OXR1: variants seen among roughly 807,000 people sequenced by gnomAD.
The protein encoded by OXR1 is oxidation resistance protein 1.
OXR1 carries 41 observed loss-of-function variants against 104.6 expected under a neutral mutation model. The ratio of observed to expected loss-of-function variants is 0.39; its 90% CI spans 0.31 to 0.51. The LOEUF (loss-of-function observed/expected upper bound fraction) is 0.51, where lower values mean the gene tolerates loss of function less well. Ranked by LOEUF, OXR1 falls within the 20% of genes least tolerant of loss-of-function variation. The pLI is 0.77. For missense variants in OXR1, 955 were observed against 1,031.9 expected, an observed-to-expected ratio of 0.93 and a Z score of 1.02; for synonymous variants, 348 against 348.4, an observed-to-expected ratio of 1.00 and a Z score of 0.01.
At chr8:106,307,639 T>C (rs1350619337) in intron 1 of OXR1, among the ~76,000 whole-genome samples, 1 of 152,096 alleles carries the variant, frequency 6.6e-6, no homozygotes, top group Non-Finnish European at 1.5e-5. Context: ...AGGAACCCTA[T>C]GTGGATCTTT....
In OXR1 at chr8:106,692,752, G is replaced by T. The variant is rs1339013924; in HGVS notation, c.550G>T (p.Ala184Ser). Residue 184 changes from alanine to serine, a missense_variant, in exon 7 of 17, where the codon GCA (alanine) becomes TCA (serine). Coordinates refer to ENST00000517566, the MANE Select transcript of OXR1 (RefSeq NM_001198533.2). ...TTNPDVHPTE[A>S]TPSSTFTGIR... ...GAATCCTGATGTCCATCCAACAGAAGCAACTCCCTCATCTACTTTCACTGG... is the reference window on the plus strand; with the variant it reads ...GAATCCTGATGTCCATCCAACAGAATCAACTCCCTCATCTACTTTCACTGG... 4 of 1,526,050 alleles carry T rather than the reference G, an allele frequency of 2.6e-6. No homozygotes were observed. The highest frequency in any genetic ancestry group is 1.4e-5 in the African/African-American group (1 of 70,832). The allele number at this position is 1,526,050 out of a possible 1,614,324, so 94.5% of individuals were successfully genotyped here.
chr8:106,567,131 A>G (rs1353825340), intron 3 of OXR1, among the ~76,000 whole-genome samples: 1 of 152,132 alleles, frequency 6.6e-6, no homozygotes, highest in East Asian at 1.9e-4. Flanking sequence ...AGAATAATAA[A>G]AGAAAGTGTT....
At chr8:106,512,515 A>G (rs1301794319) in intron 2 of OXR1, among the ~76,000 whole-genome samples, 1 of 152,182 alleles carries the variant, frequency 6.6e-6, no homozygotes, top group Admixed American at 6.5e-5. Context: ...GTTATAATCC[A>G]GGCACAATTT....
At chr8:106,527,521 A>C (rs1179116644) in intron 3 of OXR1, among the ~76,000 whole-genome samples, 2 of 152,160 alleles carry the variant, frequency 1.3e-5, no homozygotes, top group African/African-American at 4.8e-5. Flanking sequence ...TCGAAGTTGT[A>C]ATTCTGTATG....
At chr8:106,348,519 C>T (rs981936631) in intron 1 of OXR1, among the ~76,000 whole-genome samples, 6 of 151,938 alleles carry the variant, frequency 3.9e-5, no homozygotes, top group Non-Finnish European at 7.4e-5. Flanking sequence ...TTAACTTAAA[C>T]TGTTTTTTGG....
intron 11 of OXR1, chr8:106,726,022 C>T (rs556451645): frequency 8.8e-5 from 48 of 548,138 alleles, no homozygotes; most frequent in African/African-American, 8.7e-4. Flanking sequence ...GAAATTCTCT[C>T]TTCCCTCCCC....
intron 3 of OXR1, chr8:106,658,047 C>T: frequency 8.0e-7 from 1 of 1,248,668 alleles, no homozygotes; most frequent in Non-Finnish European, 1.0e-6. Context: ...CACGGCCAAC[C>T]GCCTGTTGGG....
chr8:106,562,878 T>G (rs957656095), intron 3 of OXR1, among the ~76,000 whole-genome samples: 1 of 152,130 alleles, frequency 6.6e-6, no homozygotes, highest in Non-Finnish European at 1.5e-5. Context: ...CTAAGCTTCA[T>G]AAGTGAAGGA....
chr8:106,292,197 A>G (rs1237648109), intron 1 of OXR1, among the ~76,000 whole-genome samples: 1 of 152,164 alleles, frequency 6.6e-6, no homozygotes. Flanking sequence ...TTTACTATTC[A>G]TAATGGCCCC....
intron 3 of OXR1, among the ~76,000 whole-genome samples, chr8:106,630,008 T>C (rs913881507): frequency 3.3e-5 from 5 of 152,196 alleles, no homozygotes; most frequent in African/African-American, 1.2e-4. Context: ...TGCCTTTACA[T>C]TTATTAGACA....
At chr8:106,379,842 C>T (rs1817068383) in intron 2 of OXR1, among the ~76,000 whole-genome samples, 1 of 152,028 alleles carries the variant, frequency 6.6e-6, no homozygotes, top group African/African-American at 2.4e-5. Flanking sequence ...CAAACCCGGT[C>T]CAAACCTGGA....
Position 106,360,548 on chromosome 8 carries a change from G to A in OXR1, c.23+912G>A, listed in dbSNP as rs1042920768. On this transcript the variant is annotated intron_variant, in intron 2 of 16. Transcript: ENST00000517566. The stretch of plus-strand genomic sequence containing the variant: ...AGGATGTAATTATTTGTTTAGATTC[G>A]GAGTCATGTTTCTGAAGGACCCACT... Among the ~76,000 whole-genome samples the A allele has an allele frequency of 4.0e-5, 6 of 151,464 alleles. No homozygotes were observed. The East Asian group carries it at 5.8e-4, about 15-fold the overall frequency.
rs1282426117 is a variant in OXR1, at chr8:106,487,707, A to G, written c.24-31236A>G. On this transcript the variant is annotated intron_variant, in intron 2 of 16. Transcript: ENST00000517566. The stretch of plus-strand genomic sequence containing the variant: ...TTGTTCTTGCGATAGTTTACTGAGA[A>G]TGATGATTTCCAATTTCATCCATGT... 2.0e-5 allele frequency among the ~76,000 whole-genome samples: 3 copies of G among 151,076 alleles called. No homozygotes were observed. In the South Asian group the frequency reaches 6.3e-4, roughly 32 times the overall value.
At chr8:106,308,961 A>T (rs1226337896) in intron 1 of OXR1, among the ~76,000 whole-genome samples, 1 of 147,996 alleles carries the variant, frequency 6.8e-6, no homozygotes, top group East Asian at 2.0e-4. Context: ...TGGAGGATTT[A>T]TAAGTTAAAT....
At chr8:106,699,224 G>A (rs28422868) in intron 7 of OXR1, among the ~76,000 whole-genome samples, 21,159 of 152,066 alleles carry the variant, frequency 0.14, 1,782 homozygotes, top group East Asian at 0.36. Context: ...CTGTGTGGGC[G>A]CTGACTATTG....
chr8:106,742,667 T>C (rs1223959857), intron 15 of OXR1, among the ~76,000 whole-genome samples: 1 of 152,134 alleles, frequency 6.6e-6, no homozygotes, highest in Non-Finnish European at 1.5e-5. Flanking sequence ...ATCTGATCTT[T>C]GACAAACCTG....
At chr8:106,676,431 A>G (rs778576938) in intron 3 of OXR1, among the ~76,000 whole-genome samples, 1 of 151,874 alleles carries the variant, frequency 6.6e-6, no homozygotes, top group African/African-American at 2.4e-5. Context: ...GTGTTTTTGT[A>G]GTGTCTGGTA....
chr8:106,284,725 C>A (rs1301229488), intron 1 of OXR1, among the ~76,000 whole-genome samples: 8 of 152,060 alleles, frequency 5.3e-5, no homozygotes, highest in Non-Finnish European at 1.5e-5. Context: ...GAATTCTAAA[C>A]CACTTGCCTT....
intron 3 of OXR1, among the ~76,000 whole-genome samples, chr8:106,609,395 T>G (rs567463615): frequency 2.8e-4 from 43 of 152,250 alleles, no homozygotes; most frequent in African/African-American, 8.9e-4. Flanking sequence ...ACATAGTAGC[T>G]TTGCCCTCAT....
Sources: gnomAD v4.1 joint callset for allele counts (sites outside exome capture counted in the v4.1 genomes callset) on GRCh38, gnomAD v4.1.1 for gene constraint, MANE v1.5 for transcripts, NCBI Gene and HGNC (gene_info 2026-07-23, HGNC 2026-07-21) for gene names.